Variants in EYS observed in about 807,000 individuals in gnomAD.
EYS encodes the protein protein eyes shut homolog.
A neutral mutation model predicts 282.1 loss-of-function variants in EYS; 250 were observed. The ratio of observed to expected loss-of-function variants is 0.89; its 90% CI spans 0.80 to 0.98. The LOEUF is 0.98. EYS is among the 50% of genes least tolerant of loss of function. The probability of loss-of-function intolerance (pLI) is 0.00; values close to 1 mark genes in which losing one functional copy is unlikely to be tolerated. For missense variants in EYS, 4,016 were observed against 3,709.0 expected, an observed-to-expected ratio of 1.08 and a Z score of -2.15; for synonymous variants, 1,355 against 1,282.9, an observed-to-expected ratio of 1.06 and a Z score of -1.20.
At position 64,252,602 on chromosome 6, in the gene EYS, C is replaced by T. The variant is rs73763360; in HGVS notation, c.6192-21778G>A. Among the ~76,000 whole-genome samples the T allele has an allele frequency of 8.0e-3, 1,221 of 152,274 alleles. 9 individuals carry two copies. Among genetic ancestry groups the T allele is most frequent in the African/African-American group, 0.022 (914 of 41,554 alleles). ...TTACCATGGCTTTCAAAGCCATTCA[C>T]AAGCTGGTTCTGCCTCTTGAGGAGT... On this transcript the variant is annotated intron_variant, in intron 30 of 42. Coordinates refer to ENST00000503581, the MANE Select transcript of EYS (RefSeq NM_001142800.2).
Position 63,720,458 on chromosome 6 carries a change from T to A in EYS, c.*138A>T. 2 of 610,876 alleles carry A rather than the reference T, an allele frequency of 3.3e-6. No homozygotes were observed. The allele number at this position is 610,876 out of a possible 1,614,324, so 37.8% of individuals were successfully genotyped here. A position where few individuals can be genotyped will look rare whatever the true frequency, so the allele number is the denominator to read the frequency against. ...CCTTCAGTGACATTTTACAATCTTATCAAAAAGATATGTTAGCATTTAGAC... is the reference window on the plus strand; with the variant it reads ...CCTTCAGTGACATTTTACAATCTTAACAAAAAGATATGTTAGCATTTAGAC... On this transcript the variant is annotated 3_prime_UTR_variant, in exon 43 of 43. Transcript: ENST00000503581.
chr6:65,194,187 A>G (rs905971577), intron 12 of EYS, among the ~76,000 whole-genome samples: 4 of 152,016 alleles, frequency 2.6e-5, no homozygotes, highest in Admixed American at 2.0e-4. Flanking sequence ...TCTGTAGTTC[A>G]TTTGTCAATG....
At chr6:65,543,313 T>C (rs1421984832) in intron 2 of EYS, among the ~76,000 whole-genome samples, 3 of 151,112 alleles carry the variant, frequency 2.0e-5, no homozygotes, top group Non-Finnish European at 4.4e-5. Context: ...CAGCTGTTTT[T>C]TTACATTATT....
intron 30 of EYS, among the ~76,000 whole-genome samples, chr6:64,306,724 T>G (rs1769458836): frequency 6.6e-6 from 1 of 152,212 alleles, no homozygotes; most frequent in South Asian, 2.1e-4. Context: ...GACTCATTAT[T>G]TGTTGGATGG....
intron 2 of EYS, among the ~76,000 whole-genome samples, chr6:65,620,381 G>A (rs947973556): frequency 1.3e-5 from 2 of 151,984 alleles, no homozygotes; most frequent in Non-Finnish European, 2.9e-5. Context: ...GTTTGTATTT[G>A]TGTGGGATCG....
chr6:65,697,871 A>G (rs1769512571), intron 1 of EYS, among the ~76,000 whole-genome samples: 1 of 152,164 alleles, frequency 6.6e-6, no homozygotes, highest in South Asian at 2.1e-4. Flanking sequence ...ACACAAGAAG[A>G]CATTTTCAGA....
chr6:65,534,439 T>C (rs1035399685), intron 2 of EYS, among the ~76,000 whole-genome samples: 1 of 152,100 alleles, frequency 6.6e-6, no homozygotes. Flanking sequence ...AAGGGGTGAC[T>C]ATGAGCCGGA....
At position 65,446,911 on chromosome 6, in the gene EYS, A is replaced by G. The variant is rs181170718; in HGVS notation, c.863-41544T>C. ...TTTATGAGAAAAACAGAAGGCACAG[A>G]AAAAAAGCCATTCTAATAATTTATA... On this transcript the variant is annotated intron_variant, in intron 5 of 42. Coordinates refer to ENST00000503581, the MANE Select transcript of EYS (RefSeq NM_001142800.2). Among the ~76,000 whole-genome samples, 12 of 151,890 alleles carry G rather than the reference A, an allele frequency of 7.9e-5. No individual in the cohort carries two copies. In the East Asian group the frequency reaches 1.7e-3, roughly 22 times the overall value.
chr6:64,299,271 G>A (rs1337368086), intron 30 of EYS, among the ~76,000 whole-genome samples: 1 of 152,178 alleles, frequency 6.6e-6, no homozygotes, highest in Non-Finnish European at 1.5e-5. Flanking sequence ...TTACCCAAAG[G>A]CGTGTTAACT....
chr6:64,262,268 T>C (rs1243137636), intron 30 of EYS, among the ~76,000 whole-genome samples: 1 of 151,952 alleles, frequency 6.6e-6, no homozygotes, highest in Non-Finnish European at 1.5e-5. Flanking sequence ...TAATTTCATT[T>C]GCTAGTTTTG....
intron 12 of EYS, among the ~76,000 whole-genome samples, chr6:65,232,350 A>G (rs767598956): frequency 1.6e-4 from 24 of 152,240 alleles, no homozygotes; most frequent in African/African-American, 5.3e-4. Flanking sequence ...GAGAACAAAT[A>G]TTGCCTAAAA....
chr6:65,353,458 C>T lies in EYS; in HGVS notation c.1459G>A (p.Gly487Arg), dbSNP rs558001726. 5 of 1,612,578 alleles carry T rather than the reference C, an allele frequency of 3.1e-6. No homozygotes were observed. The highest frequency in any genetic ancestry group is 2.2e-5 in the East Asian group (1 of 44,644). ...GAAAAAAATTACATAAATTTGTTAC[C>T]TGCAAATCCCAATTGCCACACATAT... ...FEYVWQLGFAGSEGEKCQGVI... is the reference protein window; with the variant it reads ...FEYVWQLGFARSEGEKCQGVI... The change falls in exon 9 of 43, where the codon GGA (glycine) becomes AGA (arginine). Residue 487 changes from glycine (G) to arginine (R), a missense_variant and splice_region_variant. Coordinates refer to ENST00000503581, the MANE Select transcript of EYS (RefSeq NM_001142800.2).
chr6:65,380,393 G>T (rs1765564939), intron 8 of EYS, among the ~76,000 whole-genome samples: 1 of 151,996 alleles, frequency 6.6e-6, no homozygotes. Flanking sequence ...TTTAATAAAT[G>T]GTTTTGGGAA....
chr6:64,111,662 G>A (rs920501899), intron 31 of EYS, among the ~76,000 whole-genome samples: 1 of 151,988 alleles, frequency 6.6e-6, no homozygotes, highest in Non-Finnish European at 1.5e-5. Flanking sequence ...AAGTTTCAGT[G>A]TAAAGTGGTG....
At chr6:64,742,937 C>T (rs2149962548) in intron 22 of EYS, among the ~76,000 whole-genome samples, 1 of 152,160 alleles carries the variant, frequency 6.6e-6, no homozygotes, top group East Asian at 1.9e-4. Context: ...ATTAGGTTAA[C>T]TGCAAATAAG....
intron 30 of EYS, among the ~76,000 whole-genome samples, chr6:64,268,915 C>T (rs993046509): frequency 2.0e-5 from 3 of 151,956 alleles, no homozygotes; most frequent in South Asian, 4.1e-4. Context: ...CAGGGGATAC[C>T]GCAGGCATTG....
chr6:64,280,121 T>C (rs966867494), intron 30 of EYS, among the ~76,000 whole-genome samples: 4 of 152,178 alleles, frequency 2.6e-5, no homozygotes, highest in African/African-American at 9.6e-5. Flanking sequence ...TTATTCTAAA[T>C]GACATAACTG....
At chr6:64,713,573 C>T (rs1771279544) in intron 22 of EYS, among the ~76,000 whole-genome samples, 1 of 152,098 alleles carries the variant, frequency 6.6e-6, no homozygotes, top group African/African-American at 2.4e-5. Flanking sequence ...TCAGCAGCAG[C>T]TTGCATCAGG....
In EYS at chr6:64,049,841, T is replaced by C. The variant is rs1323365838; in HGVS notation, c.6725+16497A>G. On this transcript the variant is annotated intron_variant, in intron 33 of 42. Coordinates refer to ENST00000503581, the MANE Select transcript of EYS (RefSeq NM_001142800.2). The stretch of plus-strand genomic sequence containing the variant: ...TTCTGAAGACAGATAGAAATGAGGT[T>C]ATAAAATAGTCATAAAAACGGGGTT... 2.6e-5 allele frequency among the ~76,000 whole-genome samples: 4 copies of C among 152,152 alleles called. No individual in the cohort carries two copies. In the South Asian group the frequency reaches 6.2e-4, roughly 24 times the overall value.
Sources: gnomAD v4.1 joint callset for allele counts (sites outside exome capture counted in the v4.1 genomes callset) on GRCh38, gnomAD v4.1.1 for gene constraint, MANE v1.5 for transcripts, NCBI Gene and HGNC (gene_info 2026-07-23, HGNC 2026-07-21) for gene names.